DENND1B: variants seen among roughly 807,000 people sequenced by gnomAD.
DENND1B encodes the protein DENN domain containing 1B, also known as DENN domain-containing protein 1B.
In DENND1B, 59 loss-of-function variants were observed where a neutral mutation model predicts 90.1. That is an observed-to-expected ratio of 0.65 (90% CI 0.53 to 0.81). The LOEUF (loss-of-function observed/expected upper bound fraction) is 0.81, where lower values mean the gene tolerates loss of function less well. DENND1B is among the 40% of genes least tolerant of loss of function. The pLI, the probability that DENND1B is intolerant of heterozygous loss-of-function variation, is 0.00. For missense variants in DENND1B, 862 were observed against 912.6 expected, an observed-to-expected ratio of 0.94 and a Z score of 0.71; for synonymous variants, 337 against 324.6, an observed-to-expected ratio of 1.04 and a Z score of -0.41.
At chr1:197,651,988 C>T (rs1225671870) in intron 7 of DENND1B, among the ~76,000 whole-genome samples, 1 of 152,026 alleles carries the variant, frequency 6.6e-6, no homozygotes, top group Non-Finnish European at 1.5e-5. Flanking sequence ...GAAATATCCT[C>T]ATAGATTTGG....
At chr1:197,599,638 T>C (rs1289421432) in intron 13 of DENND1B, among the ~76,000 whole-genome samples, 1 of 151,860 alleles carries the variant, frequency 6.6e-6, no homozygotes, top group South Asian at 2.1e-4. Context: ...ATTAAATCCC[T>C]ACACTTTTTT....
At chr1:197,690,727 T>G (rs1233549763) in intron 3 of DENND1B, 1 of 153,194 alleles carries the variant, frequency 6.5e-6, no homozygotes, top group East Asian at 1.9e-4. Flanking sequence ...TTAAGTTTAA[T>G]AGTAAAAAAC....
At chr1:197,561,274 T>C (rs1425116669) in intron 15 of DENND1B, among the ~76,000 whole-genome samples, 1 of 151,876 alleles carries the variant, frequency 6.6e-6, no homozygotes, top group African/African-American at 2.4e-5. Flanking sequence ...AAGGTCATCA[T>C]ATATCCATGG....
At chr1:197,766,189 C>A (rs2102481773) in intron 2 of DENND1B, among the ~76,000 whole-genome samples, 1 of 152,304 alleles carries the variant, frequency 6.6e-6, no homozygotes, top group Admixed American at 6.5e-5. Context: ...CCCACCTCTT[C>A]CTCCCAAAAT....
At chr1:197,771,150 G>T (rs1656549089) in intron 2 of DENND1B, among the ~76,000 whole-genome samples, 3 of 151,958 alleles carry the variant, frequency 2.0e-5, no homozygotes, top group African/African-American at 7.3e-5. Flanking sequence ...GGCCTCAGAT[G>T]ATCTGTCCAC....
chr1:197,553,497 T>G (rs896917193), intron 15 of DENND1B, among the ~76,000 whole-genome samples: 1 of 152,114 alleles, frequency 6.6e-6, no homozygotes, highest in Non-Finnish European at 1.5e-5. Flanking sequence ...CCCATGGGGC[T>G]CTGTCTTCCC....
chr1:197,527,433 T>C (rs6676028), intron 20 of DENND1B, among the ~76,000 whole-genome samples: 144,799 of 151,774 alleles, frequency 0.95, 69,442 homozygotes, highest in East Asian at 1. Context: ...TAGGCATGCA[T>C]CACTATGCCT....
intron 13 of DENND1B, among the ~76,000 whole-genome samples, chr1:197,595,944 T>C (rs565283875): frequency 2.3e-4 from 35 of 152,168 alleles, no homozygotes; most frequent in South Asian, 4.1e-4. Flanking sequence ...AAAGCATTCA[T>C]ATTCCCATTT....
At chr1:197,737,185 T>G (rs1404562214) in intron 2 of DENND1B, among the ~76,000 whole-genome samples, 7 of 152,158 alleles carry the variant, frequency 4.6e-5, no homozygotes, top group African/African-American at 9.7e-5. Flanking sequence ...CCAATAAACC[T>G]GACAGCAACA....
chr1:197,546,708 A>G (rs1433364868), intron 17 of DENND1B, 25 bp downstream of exon 17: 6 of 1,536,744 alleles, frequency 3.9e-6, no homozygotes, highest in South Asian at 2.5e-5. Context: ...GAGTGAAAGA[A>G]TAACATTTGA....
intron 3 of DENND1B, among the ~76,000 whole-genome samples, chr1:197,707,103 T>C (rs1306372597): frequency 6.6e-6 from 1 of 152,186 alleles, no homozygotes; most frequent in Non-Finnish European, 1.5e-5. Context: ...AATCCTGTCA[T>C]TCATGGCAAC....
Position 197,510,582 on chromosome 1 carries a change from C to T in DENND1B, c.2206G>A (p.Ala736Thr). 6.2e-7 allele frequency: 1 copy of T among 1,612,748 alleles called. No individual in the cohort carries two copies. The highest frequency in any genetic ancestry group is 8.5e-7 in the Non-Finnish European group (1 of 1,179,198). ...FVPWEKEGKE[A>T]KETSEDIGLL... ...CCAATATCTTCTGAAGTCTCTTTGG[C>T]TTCTTTCCCTTCTTTCTCCCAAGGA... Residue 736 changes from alanine (A) to threonine (T), a missense_variant, in exon 23 of 23, where the codon GCC becomes ACC. Coordinates refer to ENST00000620048, the MANE Select transcript of DENND1B (RefSeq NM_001195215.2).
chr1:197,596,691 A>G (rs912821617), intron 13 of DENND1B, among the ~76,000 whole-genome samples: 2 of 151,872 alleles, frequency 1.3e-5, no homozygotes, highest in African/African-American at 2.4e-5. Context: ...ATACACATGC[A>G]CACATATATC....
chr1:197,595,387 G>A (rs1018254789), intron 13 of DENND1B, 54 bp from the exon 14 acceptor site: 16 of 1,589,854 alleles, frequency 1.0e-5, no homozygotes, highest in Non-Finnish European at 1.3e-5. Flanking sequence ...GGTACAGCGA[G>A]GTAGGAACCC....
intron 5 of DENND1B, among the ~76,000 whole-genome samples, chr1:197,667,122 G>T (rs1572250938): frequency 6.8e-6 from 1 of 146,654 alleles, no homozygotes; most frequent in African/African-American, 2.5e-5. Flanking sequence ...CGCAGAGCGA[G>T]ACTCCATCTC....
At chr1:197,753,850 A>G (rs1391340132) in intron 2 of DENND1B, among the ~76,000 whole-genome samples, 1 of 151,916 alleles carries the variant, frequency 6.6e-6, no homozygotes, top group Non-Finnish European at 1.5e-5. Flanking sequence ...AAAATACAAA[A>G]AAAACTGGGT....
In DENND1B at chr1:197,706,173, T is replaced by C. The variant is rs79481749; in HGVS notation, c.126+8858A>G. On this transcript the variant is annotated intron_variant, in intron 3 of 22. Coordinates refer to ENST00000620048, the MANE Select transcript of DENND1B (RefSeq NM_001195215.2). ...TGGACTTAAATTATAGCTAAGTTTG[T>C]GTATTCTGAATTTAACAGTGACAAG... 4.2e-3 allele frequency among the ~76,000 whole-genome samples: 635 copies of C among 152,326 alleles called. 5 individuals are homozygous for C. The highest frequency in any genetic ancestry group is 0.015 in the African/African-American group (608 of 41,582).
intron 2 of DENND1B, chr1:197,734,283 A>AAGTT (rs1558458193): frequency 1.1e-6 from 1 of 936,838 alleles, no homozygotes; most frequent in African/African-American, 1.8e-5. Context: ...AACCTGTAAA[A>AAGTT]AGTTAAACAC....
intron 2 of DENND1B, among the ~76,000 whole-genome samples, chr1:197,766,163 G>A (rs1655672546): frequency 6.6e-6 from 1 of 152,082 alleles, no homozygotes; most frequent in African/African-American, 2.4e-5. Context: ...TTGATCTTCT[G>A]ACCTCAAGGG....
Sources: allele counts gnomAD v4.1 joint callset (sites outside exome capture counted in the v4.1 genomes callset), GRCh38; gene constraint gnomAD v4.1.1; transcripts MANE v1.5; gene names NCBI Gene and HGNC (gene_info 2026-07-23, HGNC 2026-07-21).